Variants in MAML3 observed in about 807,000 individuals in gnomAD.
MAML3 encodes mastermind-like protein 3.
A neutral mutation model predicts 101.9 loss-of-function variants in MAML3; 27 were observed. That is an observed-to-expected ratio of 0.27 (90% confidence interval 0.20 to 0.37). The LOEUF (loss-of-function observed/expected upper bound fraction) is 0.37, where lower values mean the gene tolerates loss of function less well. Ranked by LOEUF, MAML3 falls within the 10% of genes least tolerant of loss-of-function variation. MAML3 has a pLI of 1.00. For missense variants in MAML3, 1,316 were observed against 1,444.9 expected, an observed-to-expected ratio of 0.91 and a Z score of 1.45; for synonymous variants, 501 against 555.9, an observed-to-expected ratio of 0.90 and a Z score of 1.39.
At chr4:140,043,940 A>G (rs988476589) in intron 1 of MAML3, among the ~76,000 whole-genome samples, 2 of 152,250 alleles carry the variant, frequency 1.3e-5, no homozygotes, top group African/African-American at 2.4e-5. Context: ...CTTTTAATGA[A>G]AAGATTATAA....
At chr4:139,826,880 A>G (rs761547602) in intron 2 of MAML3, among the ~76,000 whole-genome samples, 15 of 152,198 alleles carry the variant, frequency 9.9e-5, no homozygotes, top group Non-Finnish European at 2.2e-4. Flanking sequence ...TAATCAAAAG[A>G]ACGCCACTCT....
At chr4:140,051,742 A>T (rs977926560) in intron 1 of MAML3, among the ~76,000 whole-genome samples, 7 of 152,132 alleles carry the variant, frequency 4.6e-5, no homozygotes, top group Non-Finnish European at 8.8e-5. Flanking sequence ...TTTTATTCCC[A>T]ACCATTCTAC....
At chr4:140,050,134 A>C (rs531173902) in intron 1 of MAML3, among the ~76,000 whole-genome samples, 2 of 152,172 alleles carry the variant, frequency 1.3e-5, no homozygotes, top group Admixed American at 6.5e-5. Flanking sequence ...AATAACAACA[A>C]GGAAATGTAT....
At chr4:139,791,710 C>T (rs1009437007) in intron 2 of MAML3, among the ~76,000 whole-genome samples, 6 of 152,116 alleles carry the variant, frequency 3.9e-5, no homozygotes, top group African/African-American at 7.2e-5. Flanking sequence ...GAAAGTTAAC[C>T]ACTGAGCTAT....
At position 139,889,455 on chromosome 4, in the gene MAML3, C is replaced by A; in HGVS notation, c.1981G>T (p.Ala661Ser). Reference sequence around the variant, plus strand: ...CGTTTCTGGTCTTCGCTCAGGTGTGCCCTGGGGGCCTGGAGCTGTGGAGGT... The same window carrying A: ...CGTTTCTGGTCTTCGCTCAGGTGTGACCTGGGGGCCTGGAGCTGTGGAGGT... ...PPPPQLQAPR[A>S]HLSEDQKRLL... The change falls in exon 2 of 5, where the codon GCA becomes TCA. Residue 661 changes from alanine (A) to serine (S), a missense_variant. Transcript: ENST00000509479. 2 of 1,613,926 alleles carry A rather than the reference C, an allele frequency of 1.2e-6. No homozygotes were observed. Among genetic ancestry groups the A allele is most frequent in the South Asian group, 2.2e-5 (2 of 91,074 alleles).
intron 1 of MAML3, among the ~76,000 whole-genome samples, chr4:139,966,760 A>C (rs1160306367): frequency 1.3e-5 from 2 of 152,304 alleles, no homozygotes; most frequent in Non-Finnish European, 2.9e-5. Flanking sequence ...TACATCAACG[A>C]GCAGTCTTTG....
intron 1 of MAML3, among the ~76,000 whole-genome samples, chr4:140,020,459 C>A (rs894305789): frequency 1.3e-5 from 2 of 150,954 alleles, no homozygotes; most frequent in Admixed American, 1.3e-4. Flanking sequence ...GGTATTTGCT[C>A]ATATTGAGGC....
rs1046714309 is a variant in MAML3, at chr4:139,735,350, A to T, written c.2080-4683T>A. Among the ~76,000 whole-genome samples the T allele has an allele frequency of 6.6e-6, 1 of 151,766 alleles. No individual in the cohort carries two copies. Among genetic ancestry groups the T allele is most frequent in the African/African-American group, 2.4e-5 (1 of 41,278 alleles). On this transcript the variant is annotated intron_variant, in intron 2 of 4. Transcript: ENST00000509479. The surrounding 1 kb of genome is among the most constrained non-coding windows in gnomAD (Gnocchi z 5.8). ...CCGACTGACACTGAACTGGTTTCTC[A>T]TTACCGACTTTTCTTCCAGCCGGAG... is the stretch of plus-strand genomic sequence containing the variant.
intron 1 of MAML3, among the ~76,000 whole-genome samples, chr4:140,012,421 A>G (rs1273539522): frequency 6.6e-6 from 1 of 152,186 alleles, no homozygotes; most frequent in Non-Finnish European, 1.5e-5. Flanking sequence ...GTATGCAATC[A>G]GTCGTCCAGT....
intron 1 of MAML3, among the ~76,000 whole-genome samples, chr4:140,055,308 G>A (rs1289396362): frequency 6.6e-6 from 1 of 152,134 alleles, no homozygotes; most frequent in African/African-American, 2.4e-5. Flanking sequence ...TAATTAGTTT[G>A]TTTTAAGCAG....
chr4:139,951,976 C>T (rs7667085), intron 1 of MAML3, among the ~76,000 whole-genome samples: 5,636 of 152,034 alleles, frequency 0.037, 374 homozygotes, highest in African/African-American at 0.13. Flanking sequence ...CCAGCCTGGC[C>T]GCCATGGTGA....
chr4:140,092,234 A>C (rs1728072830), intron 1 of MAML3, among the ~76,000 whole-genome samples: 1 of 151,900 alleles, frequency 6.6e-6, no homozygotes, highest in South Asian at 2.1e-4. Context: ...CTTGCGACTG[A>C]GCATCAACAG....
At chr4:139,724,688 C>T (rs1271620223) in intron 4 of MAML3, among the ~76,000 whole-genome samples, 1 of 152,008 alleles carries the variant, frequency 6.6e-6, no homozygotes, top group African/African-American at 2.4e-5. Context: ...GCTAGGTGAC[C>T]CCTGTAGCCC....
intron 1 of MAML3, among the ~76,000 whole-genome samples, chr4:140,098,151 A>G (rs994732562): frequency 2.6e-5 from 4 of 152,212 alleles, no homozygotes; most frequent in South Asian, 2.1e-4. Context: ...TCTATTTTGC[A>G]TATGTGAAGT....
At chr4:140,005,337 A>G (rs539003329) in intron 1 of MAML3, among the ~76,000 whole-genome samples, 6 of 152,236 alleles carry the variant, frequency 3.9e-5, no homozygotes, top group Non-Finnish European at 5.9e-5. Context: ...GGAGGAAATA[A>G]TCAATTCAGA....
chr4:139,752,140 G>A (rs994262536), intron 2 of MAML3, among the ~76,000 whole-genome samples: 2 of 152,178 alleles, frequency 1.3e-5, no homozygotes, highest in African/African-American at 4.8e-5. Flanking sequence ...ATGGCTATCT[G>A]TAGGTTCTCC....
At chr4:140,002,062 G>A (rs1175614666) in intron 1 of MAML3, among the ~76,000 whole-genome samples, 2 of 151,606 alleles carry the variant, frequency 1.3e-5, no homozygotes, top group Non-Finnish European at 2.9e-5. Context: ...TTTTTTTGTG[G>A]AGAGAACACT....
intron 1 of MAML3, among the ~76,000 whole-genome samples, chr4:139,970,994 T>C (rs1355859845): frequency 1.3e-5 from 2 of 152,230 alleles, no homozygotes; most frequent in Non-Finnish European, 2.9e-5. Flanking sequence ...CTGTCTCTAC[T>C]GTTAACTAGT....
chr4:139,938,223 T>C (rs1733542291), intron 1 of MAML3, among the ~76,000 whole-genome samples: 1 of 152,314 alleles, frequency 6.6e-6, no homozygotes, highest in South Asian at 2.1e-4. Context: ...AGATGATCAA[T>C]ACTAAGGACT....
Sources: allele counts gnomAD v4.1 joint callset (sites outside exome capture counted in the v4.1 genomes callset), GRCh38; gene constraint gnomAD v4.1.1; non-coding constraint Gnocchi (gnomAD v3.1); transcripts MANE v1.5; gene names NCBI Gene and HGNC (gene_info 2026-07-23, HGNC 2026-07-21).